Variants in DPP10 observed in about 807,000 individuals in gnomAD.
The protein encoded by DPP10 is inactive dipeptidyl peptidase 10.
A neutral mutation model predicts 120.9 loss-of-function variants in DPP10; 33 were observed. The ratio of observed to expected loss-of-function variants is 0.27; its 90% CI spans 0.21 to 0.37. The LOEUF is 0.37. Ranked by LOEUF, DPP10 falls within the 10% of genes least tolerant of loss-of-function variation. The pLI is 1.00. For missense variants in DPP10, 816 were observed against 942.8 expected, an observed-to-expected ratio of 0.87 and a Z score of 1.76; for synonymous variants, 337 against 326.1, an observed-to-expected ratio of 1.03 and a Z score of -0.36.
At chr2:114,546,910 T>C (rs992688060) in intron 1 of DPP10, among the ~76,000 whole-genome samples, 2 of 152,238 alleles carry the variant, frequency 1.3e-5, no homozygotes, top group African/African-American at 2.4e-5. Context: ...GTGATCTGTC[T>C]GTTGGATTTT....
At chr2:115,237,100 T>C (rs1387217604) in intron 1 of DPP10, among the ~76,000 whole-genome samples, 1 of 152,188 alleles carries the variant, frequency 6.6e-6, no homozygotes, top group Non-Finnish European at 1.5e-5. Context: ...CTTATTTTAT[T>C]GTACTTTGTG....
rs3039998 is a variant in DPP10 at position 115,495,365 on chromosome 2, G to GA, written c.272-4125dup. The stretch of plus-strand genomic sequence containing the variant: ...AGAAACTAATTTTCAGCCATTTTCT[G>GA]AAAAAAAAAAAAAAAAAAAAGTTTT... On this transcript the variant is annotated intron_variant, in intron 3 of 25. Transcript: ENST00000410059. 7.7e-3 allele frequency among the ~76,000 whole-genome samples: 636 copies of GA among 82,216 alleles called. 31 individuals are homozygous for GA. Among genetic ancestry groups the GA allele is most frequent in the African/African-American group, 0.02 (433 of 22,178 alleles). The allele number at this position is 82,216 out of a possible 152,430, so 53.9% of individuals were successfully genotyped here. A position where few individuals can be genotyped will look rare whatever the true frequency, so the allele number is the denominator to read the frequency against.
At chr2:114,714,121 G>A (rs1362397578) in intron 1 of DPP10, among the ~76,000 whole-genome samples, 6 of 151,368 alleles carry the variant, frequency 4.0e-5, no homozygotes, top group Admixed American at 2.6e-4. Flanking sequence ...GCGTGCGTGC[G>A]CTCATGAGTG....
intron 3 of DPP10, among the ~76,000 whole-genome samples, chr2:115,432,935 T>C (rs1437413619): frequency 1.3e-5 from 2 of 152,002 alleles, no homozygotes; most frequent in Non-Finnish European, 2.9e-5. Flanking sequence ...ATGGTCCAGA[T>C]TGATGGCATA....
intron 1 of DPP10, among the ~76,000 whole-genome samples, chr2:114,612,173 A>G (rs973016266): frequency 6.6e-6 from 1 of 152,068 alleles, no homozygotes; most frequent in African/African-American, 2.4e-5. Flanking sequence ...CCCTGCACGG[A>G]TGGCATCAAG....
intron 4 of DPP10, among the ~76,000 whole-genome samples, chr2:115,508,579 G>C (rs187591289): frequency 6.6e-6 from 1 of 152,134 alleles, no homozygotes; most frequent in African/African-American, 2.4e-5. Context: ...GGCTGTATCT[G>C]TTTTAAATAA....
intron 11 of DPP10, among the ~76,000 whole-genome samples, chr2:115,762,185 G>A (rs553557243): frequency 3.9e-5 from 6 of 152,182 alleles, no homozygotes; most frequent in Admixed American, 3.3e-4. Flanking sequence ...TTTTATTCCT[G>A]GCTGTTTGCC....
intron 1 of DPP10, among the ~76,000 whole-genome samples, chr2:114,724,332 A>G (rs1408923931): frequency 8.5e-5 from 13 of 152,208 alleles, no homozygotes; most frequent in Non-Finnish European, 1.6e-4. Context: ...ATCAATCACT[A>G]ATCAATGTTA....
At chr2:115,632,996 A>G (rs2086008740) in intron 5 of DPP10, among the ~76,000 whole-genome samples, 2 of 152,270 alleles carry the variant, frequency 1.3e-5, no homozygotes, top group South Asian at 2.1e-4. Context: ...CTGTAAACTA[A>G]TTCAACCATT....
chr2:115,327,933 T>G lies in DPP10; in HGVS notation c.176-15884T>G, dbSNP rs2062462254. Among the ~76,000 whole-genome samples the G allele has an allele frequency of 2.0e-5, 3 of 152,084 alleles. No homozygotes were observed. In the South Asian group the frequency reaches 6.2e-4, roughly 31 times the overall value. On this transcript the variant is annotated intron_variant, in intron 2 of 25. Coordinates refer to ENST00000410059, the MANE Select transcript of DPP10 (RefSeq NM_020868.6). Reference sequence around the variant, plus strand: ...GGGTGCCTGGAGTTTTATCAACCATTGCTTTTGTATCACAAGTGAAAATTT... The same window carrying G: ...GGGTGCCTGGAGTTTTATCAACCATGGCTTTTGTATCACAAGTGAAAATTT...
At position 115,421,426 on chromosome 2, in the gene DPP10, A is replaced by G. The variant is rs187151686; in HGVS notation, c.271+77514A>G. Among the ~76,000 whole-genome samples, 108 of 152,294 alleles carry G rather than the reference A, an allele frequency of 7.1e-4. 1 individual carries two copies. Among genetic ancestry groups the G allele is most frequent in the Admixed American group, 5.7e-3 (87 of 15,286 alleles). ...ACTGCTAAGAACTTTCTACCTGCAT[A>G]TATTCCTGGAGTGTCAAACCTGAAA... On this transcript the variant is annotated intron_variant, in intron 3 of 25. Coordinates refer to ENST00000410059, the MANE Select transcript of DPP10 (RefSeq NM_020868.6).
chr2:114,687,045 A>G (rs1199458575), intron 1 of DPP10, among the ~76,000 whole-genome samples: 1 of 152,030 alleles, frequency 6.6e-6, no homozygotes, highest in Admixed American at 6.6e-5. Context: ...AACAATGTTG[A>G]GAAAAACAAG....
intron 3 of DPP10, among the ~76,000 whole-genome samples, chr2:115,497,283 A>G (rs969186474): frequency 2.0e-5 from 3 of 152,042 alleles, no homozygotes; most frequent in Admixed American, 6.6e-5. Flanking sequence ...GGGAGGGACT[A>G]TTATTATTCT....
intron 1 of DPP10, among the ~76,000 whole-genome samples, chr2:114,672,584 G>A (rs1413471025): frequency 6.6e-6 from 1 of 152,188 alleles, no homozygotes; most frequent in Non-Finnish European, 1.5e-5. Flanking sequence ...TGAGAAGGAT[G>A]TGATGCTGAT....
chr2:115,842,476 G>A lies in DPP10; in HGVS notation c.*131G>A. ...AGATGTCACTGGAGCAGCACGCTCA[G>A]AGACAGTGAACTAGCATTTGAATAC... On this transcript the variant is annotated 3_prime_UTR_variant, in exon 26 of 26. Coordinates refer to ENST00000410059, the MANE Select transcript of DPP10 (RefSeq NM_020868.6). The A allele has an allele frequency of 2.8e-6, 3 of 1,075,608 alleles. No homozygotes were observed. The highest frequency in any genetic ancestry group is 2.6e-6 in the Non-Finnish European group (2 of 779,460). 66.6% of individuals were successfully genotyped at this position (1,075,608 alleles called of 1,614,324 possible).
chr2:115,016,777 A>T lies in DPP10; in HGVS notation c.61-292462A>T, dbSNP rs551977831. ...ATGCATGTATGTTTATTGCGGCACT[A>T]TTCACGATGGCAAAGACTTGGAACC... is the stretch of plus-strand genomic sequence containing the variant. On this transcript the variant is annotated intron_variant, in intron 1 of 25. Coordinates refer to ENST00000410059, the MANE Select transcript of DPP10 (RefSeq NM_020868.6). Among the ~76,000 whole-genome samples the T allele has an allele frequency of 8.5e-5, 13 of 152,256 alleles. No individual in the cohort carries two copies. The South Asian group carries it at 1.9e-3, about 22-fold the overall frequency.
At chr2:114,945,690 C>T (rs1231897503) in intron 1 of DPP10, among the ~76,000 whole-genome samples, 2 of 152,084 alleles carry the variant, frequency 1.3e-5, no homozygotes, top group African/African-American at 2.4e-5. Flanking sequence ...GCGGCGGACA[C>T]CTGTAATCCC....
chr2:114,897,286 T>G (rs1291616590), intron 1 of DPP10, among the ~76,000 whole-genome samples: 13 of 152,214 alleles, frequency 8.5e-5, no homozygotes, highest in East Asian at 3.9e-4. Context: ...TTTTTCTATT[T>G]ATTGGAATAG....
At chr2:115,378,409 C>G (rs149432262) in intron 3 of DPP10, among the ~76,000 whole-genome samples, 8,719 of 150,394 alleles carry the variant, frequency 0.058, 395 homozygotes, top group Middle Eastern at 0.1. Flanking sequence ...ATTTTGTGTC[C>G]TGAGACTTTG....
Sources: allele counts gnomAD v4.1 joint callset (sites outside exome capture counted in the v4.1 genomes callset), GRCh38; gene constraint gnomAD v4.1.1; transcripts MANE v1.5; gene names NCBI Gene and HGNC (gene_info 2026-07-23, HGNC 2026-07-21).